The following SPIRE2 variants were observed in gnomAD, a reference collection of about 807,000 sequenced individuals.
The protein encoded by SPIRE2 is protein spire homolog 2.
Under a neutral mutation model 80.7 loss-of-function variants are expected in SPIRE2, and 76 were observed. The ratio of observed to expected loss-of-function variants is 0.94; its 90% CI spans 0.78 to 1.14. The LOEUF (loss-of-function observed/expected upper bound fraction) is 1.14. Among genes scored for constraint, SPIRE2 ranks in the 50% most tolerant of loss-of-function variants. The pLI is 0.00. For missense variants in SPIRE2, 1,196 were observed against 1,015.3 expected, an observed-to-expected ratio of 1.18 and a Z score of -2.42; for synonymous variants, 535 against 432.6, an observed-to-expected ratio of 1.24 and a Z score of -2.94.
chr16:89,862,126 C>G (rs1295255954), intron 10 of SPIRE2: 2 of 152,088 alleles, frequency 1.3e-5, no homozygotes, highest in East Asian at 3.8e-4. Context: ...GCCTCAGCCT[C>G]CCGAGTAGCT....
chr16:89,863,831 C>A lies in SPIRE2; in HGVS notation c.1748C>A (p.Ser583Ter). Residue 583 changes from serine to a stop codon, truncating the protein, a stop_gained, in exon 12 of 15, where the codon TCG becomes TAG. Coordinates refer to ENST00000378247, the MANE Select transcript of SPIRE2 (RefSeq NM_032451.2). LOFTEE classifies it high-confidence loss of function. This position sits in a 1 kb window ranked among gnomAD's most constrained non-coding sequence, Gnocchi z 4.3. Reference protein sequence around the residue: ...CCCRAKFPLFSWPPSCLFCKR... With the variant: ...CCCRAKFPLF ...TGCCGGGCCAAGTTCCCGCTGTTCT[C>A]GTGGCCGCCCAGCTGTCTCTTCTGC... 2 of 1,613,998 alleles carry A rather than the reference C, an allele frequency of 1.2e-6. No homozygotes were observed. The highest frequency in any genetic ancestry group is 1.7e-6 in the Non-Finnish European group (2 of 1,179,936).
Position 89,870,257 on chromosome 16 carries a change from T to C in SPIRE2, c.2130T>C (p.Thr710=). 6.3e-7 allele frequency: 1 copy of C among 1,595,982 alleles called. No individual in the cohort carries two copies. The highest frequency in any genetic ancestry group is 8.5e-7 in the Non-Finnish European group (1 of 1,171,190). ...CCCTCTACATCCCTAACACCAGGAC[T>C]CTTGACTTCAAGTGACAGCCCCAGG... is the stretch of plus-strand genomic sequence containing the variant. ...TQSLYIPNTR[T]LDFK is the part of the protein sequence containing the mutation. The change falls in exon 15 of 15, where the codon ACT becomes ACC. Residue 710 remains threonine, a synonymous_variant. Coordinates refer to ENST00000378247, the MANE Select transcript of SPIRE2 (RefSeq NM_032451.2).
intron 2 of SPIRE2, among the ~76,000 whole-genome samples, chr16:89,849,364 C>T (rs879800242): frequency 1.3e-5 from 2 of 152,226 alleles, no homozygotes; most frequent in African/African-American, 2.4e-5. Context: ...TCCATGCCTC[C>T]GTCCCTGTCC....
rs1444079933 is a variant in SPIRE2 at position 89,870,652 on chromosome 16, G to C, written c.*380G>C. The C allele has an allele frequency of 1.1e-5, 2 of 188,350 alleles. No individual in the cohort carries two copies. Among genetic ancestry groups the C allele is most frequent in the Non-Finnish European group, 2.3e-5 (2 of 88,144 alleles). The allele number at this position is 188,350 out of a possible 1,614,324, so 11.7% of individuals were successfully genotyped here. On this transcript the variant is annotated 3_prime_UTR_variant, in exon 15 of 15. Transcript: ENST00000378247. ...TTTCCCTTCCCCAGTGGACGTCTAG[G>C]TGGGGACAGGGTATCTTGGCTCCCA...
chr16:89,839,242 C>A (rs1432360330), intron 1 of SPIRE2, among the ~76,000 whole-genome samples: 3 of 151,956 alleles, frequency 2.0e-5, no homozygotes. Context: ...GGCGTGGTGG[C>A]GGGCGCCTGT....
At chr16:89,838,938 C>G (rs1461944301) in intron 1 of SPIRE2, among the ~76,000 whole-genome samples, 3 of 151,002 alleles carry the variant, frequency 2.0e-5, no homozygotes, top group East Asian at 4.1e-4. Flanking sequence ...CCATGTTGGC[C>G]AGGCTGGTCT....
At chr16:89,860,162 A>G (rs1230020629) in intron 9 of SPIRE2, among the ~76,000 whole-genome samples, 1 of 152,150 alleles carries the variant, frequency 6.6e-6, no homozygotes, top group Non-Finnish European at 1.5e-5. Flanking sequence ...ATGCCAGCTC[A>G]TTCTGGGGCT....
In SPIRE2 at chr16:89,870,749, G is replaced by A. The variant is rs1696595451; in HGVS notation, c.*477G>A. 1.2e-5 allele frequency: 2 copies of A among 163,104 alleles called. No individual in the cohort carries two copies. The highest frequency in any genetic ancestry group is 3.0e-4 in the South Asian group (2 of 6,570). 10.1% of individuals were successfully genotyped at this position (163,104 alleles called of 1,614,324 possible). Reference sequence around the variant, plus strand: ...CTCAGGCAGCAGAGGCATCTGGGAAGTCTCTGAGTAGGCAGGGTCCTCCTG... The same window carrying A: ...CTCAGGCAGCAGAGGCATCTGGGAAATCTCTGAGTAGGCAGGGTCCTCCTG... On this transcript the variant is annotated 3_prime_UTR_variant, in exon 15 of 15. Transcript: ENST00000378247.
In SPIRE2 at chr16:89,849,860, CAG is replaced by C. The variant is rs368596639; in HGVS notation, c.289-441_289-440del. On this transcript the variant is annotated intron_variant, in intron 2 of 14. Coordinates refer to ENST00000378247, the MANE Select transcript of SPIRE2 (RefSeq NM_032451.2). ...AAAAAACTTCTTTTTTTTTTTGAGA[CAG>C]AGTCTTGCTTTGTCACCCAGGCTGG... is the stretch of plus-strand genomic sequence containing the variant. 85 of 247,272 alleles carry C rather than the reference CAG, an allele frequency of 3.4e-4. 1 individual carries two copies. The highest frequency in any genetic ancestry group is 2.1e-3 in the East Asian group (15 of 7,086). The allele number at this position is 247,272 out of a possible 1,614,324, so 15.3% of individuals were successfully genotyped here.
intron 2 of SPIRE2, among the ~76,000 whole-genome samples, chr16:89,849,185 C>T (rs867515567): frequency 6.6e-6 from 1 of 152,224 alleles, no homozygotes; most frequent in South Asian, 2.1e-4. Flanking sequence ...GCCACTGAGG[C>T]AAAGCGGCCC....
intron 1 of SPIRE2, among the ~76,000 whole-genome samples, chr16:89,837,629 G>C (rs2041462655): frequency 6.6e-6 from 1 of 152,186 alleles, no homozygotes. Context: ...GAGAAGCGGG[G>C]GATCAGGGGC....
intron 1 of SPIRE2, among the ~76,000 whole-genome samples, chr16:89,830,884 G>A (rs2041373025): frequency 1.3e-5 from 2 of 149,138 alleles, no homozygotes; most frequent in South Asian, 4.2e-4. Flanking sequence ...TCTTTACTCT[G>A]AAGACTTTGT....
At chr16:89,837,921 C>T (rs1274454096) in intron 1 of SPIRE2, among the ~76,000 whole-genome samples, 1 of 152,242 alleles carries the variant, frequency 6.6e-6, no homozygotes, top group East Asian at 1.9e-4. Flanking sequence ...AGAGCAGGCT[C>T]TGTTTGCTAA....
rs374615205 is a variant in SPIRE2, at chr16:89,863,466, C to T, written c.1576-10C>T. ...GCATAGAAGACTTCCTACCTGAGGC[C>T]GTCCCCTAGGAGTTCAGCCACCCCG... On this transcript the variant is annotated splice_polypyrimidine_tract_variant and intron_variant, in intron 10 of 14. Transcript: ENST00000378247. This position sits in a 1 kb window ranked among gnomAD's most constrained non-coding sequence, Gnocchi z 4.3. The T allele has an allele frequency of 8.1e-6, 13 of 1,613,822 alleles. No individual in the cohort carries two copies. Among genetic ancestry groups the T allele is most frequent in the South Asian group, 5.5e-5 (5 of 91,086 alleles).
chr16:89,856,013 T>C, intron 6 of SPIRE2, 100 bp from the exon 7 acceptor site: 2 of 1,532,634 alleles, frequency 1.3e-6, no homozygotes, highest in South Asian at 1.3e-5. Context: ...GCCCGTGTCA[T>C]GGTCACTTCC....
Position 89,859,280 on chromosome 16 carries a change from C to T in SPIRE2, c.1388C>T (p.Pro463Leu), listed in dbSNP as rs763564628. ...TCTGGCCTGCAGTCGGCCACCCACC[C>T]CCCAGGAGGGACGGAGCCACCACGG... Reference protein sequence around the residue: ...VASGLQSATHPPGGTEPPRPR... With the variant: ...VASGLQSATHLPGGTEPPRPR... The change falls in exon 9 of 15, where the codon CCC (proline) becomes CTC (leucine). Residue 463 changes from proline (P) to leucine (L), a missense_variant. Pro to Leu is a moderately conservative substitution (Grantham distance 98). Coordinates refer to ENST00000378247, the MANE Select transcript of SPIRE2 (RefSeq NM_032451.2). 6.2e-7 allele frequency: 1 copy of T among 1,605,348 alleles called. No homozygotes were observed. Among genetic ancestry groups the T allele is most frequent in the East Asian group, 2.2e-5 (1 of 44,602 alleles).
Position 89,828,562 on chromosome 16 carries a change from G to C in SPIRE2, c.12G>C (p.Ala4=), listed in dbSNP as rs2041347572. 3.5e-6 allele frequency: 4 copies of C among 1,138,448 alleles called. No individual in the cohort carries two copies. Among genetic ancestry groups the C allele is most frequent in the Non-Finnish European group, 3.2e-6 (3 of 932,434 alleles). 70.5% of individuals were successfully genotyped at this position (1,138,448 alleles called of 1,614,324 possible). The part of the protein sequence containing the change: MAR[A]GSCGGAAAGA... ...ATGACGGCCCCGCCATGGCCCGGGC[G>C]GGCAGCTGCGGCGGCGCCGCGGCGG... The change falls in exon 1 of 15, where the codon GCG becomes GCC. Residue 4 remains alanine, a synonymous_variant. Transcript: ENST00000378247. The surrounding 1 kb of genome is among the most constrained non-coding windows in gnomAD (Gnocchi z 5.9).
At chr16:89,830,522 G>A (rs1215404078) in intron 1 of SPIRE2, among the ~76,000 whole-genome samples, 2 of 151,212 alleles carry the variant, frequency 1.3e-5, no homozygotes, top group Non-Finnish European at 3.0e-5. Context: ...CTCAAAGGTG[G>A]CTAACCCAGC....
intron 9 of SPIRE2, among the ~76,000 whole-genome samples, chr16:89,859,977 G>C (rs1432703170): frequency 6.6e-6 from 1 of 152,238 alleles, no homozygotes; most frequent in Non-Finnish European, 1.5e-5. Flanking sequence ...CCAGTGTTAA[G>C]AGGTCCAGGC....
Sources: gnomAD v4.1 joint callset for allele counts (sites outside exome capture counted in the v4.1 genomes callset) on GRCh38, gnomAD v4.1.1 for gene constraint, Gnocchi (gnomAD v3.1) non-coding constraint, MANE v1.5 for transcripts, NCBI Gene and HGNC (gene_info 2026-07-23, HGNC 2026-07-21) for gene names.